EYS: variants seen among roughly 807,000 people sequenced by gnomAD.
The protein encoded by EYS is protein eyes shut homolog.
A neutral mutation model predicts 282.1 loss-of-function variants in EYS; 250 were observed. The ratio of observed to expected loss-of-function variants is 0.89; its 90% CI spans 0.80 to 0.98. The LOEUF is 0.98. Among genes scored for constraint, EYS ranks in the 50% least tolerant of loss-of-function variants. EYS has a pLI of 0.00. For synonymous variants in EYS, 1,355 were observed against 1,282.9 expected (o/e 1.06, Z -1.20); for missense variants, 4,016 against 3,709.0 (o/e 1.08, Z -2.15).
intron 12 of EYS, among the ~76,000 whole-genome samples, chr6:65,212,048 AACATAG>A (rs1322931174): frequency 3.3e-5 from 5 of 152,172 alleles, no homozygotes; most frequent in South Asian, 4.2e-4. Context: ...AGGAAAACAA[AACATAG>A]ACATAGAGAT....
At chr6:63,894,239 A>G (rs1187339159) in intron 35 of EYS, among the ~76,000 whole-genome samples, 1 of 152,206 alleles carries the variant, frequency 6.6e-6, no homozygotes, top group Non-Finnish European at 1.5e-5. Flanking sequence ...TTCTGGGGAA[A>G]CAAGGTTTTT....
intron 2 of EYS, among the ~76,000 whole-genome samples, chr6:65,562,094 A>G (rs1769083462): frequency 2.6e-5 from 4 of 151,834 alleles, no homozygotes; most frequent in Admixed American, 2.6e-4. Flanking sequence ...ATATACACAT[A>G]TAGCATGCAT....
chr6:64,444,548 T>C (rs928892573), intron 26 of EYS, among the ~76,000 whole-genome samples: 2 of 152,198 alleles, frequency 1.3e-5, no homozygotes, highest in African/African-American at 4.8e-5. Flanking sequence ...ATTATCTGTA[T>C]GGAAACCCAT....
chr6:64,746,605 A>T (rs913164820), intron 22 of EYS, among the ~76,000 whole-genome samples: 2 of 152,220 alleles, frequency 1.3e-5, no homozygotes, highest in Non-Finnish European at 2.9e-5. Context: ...ACATGAATAA[A>T]GAATTTAGGA....
At chr6:65,318,223 TA>T (rs1394096181) in intron 11 of EYS, among the ~76,000 whole-genome samples, 17 of 151,694 alleles carry the variant, frequency 1.1e-4, no homozygotes, top group African/African-American at 4.1e-4. Flanking sequence ...GTTCACAATA[TA>T]GCAACTTGTT....
chr6:64,345,470 AATGG>A (rs1771346946), intron 29 of EYS, among the ~76,000 whole-genome samples: 2 of 152,144 alleles, frequency 1.3e-5, no homozygotes, highest in African/African-American at 2.4e-5. Flanking sequence ...CTATTTAATA[AATGG>A]TGCTGGGAAA....
At chr6:65,581,486 T>G (rs549758002) in intron 2 of EYS, among the ~76,000 whole-genome samples, 41 of 152,258 alleles carry the variant, frequency 2.7e-4, no homozygotes, top group Non-Finnish European at 2.1e-4. Flanking sequence ...AAAGTAAAAT[T>G]TTTGCCAGGG....
At chr6:64,401,884 G>A (rs1773548595) in intron 28 of EYS, among the ~76,000 whole-genome samples, 1 of 151,988 alleles carries the variant, frequency 6.6e-6, no homozygotes, top group African/African-American at 2.4e-5. Context: ...GTAGACTATT[G>A]CCAAAAGAAT....
At chr6:65,693,954 G>A (rs1769339360) in intron 1 of EYS, among the ~76,000 whole-genome samples, 1 of 150,176 alleles carries the variant, frequency 6.7e-6, no homozygotes, top group African/African-American at 2.4e-5. Flanking sequence ...AGAATGTCCT[G>A]ATTTTGATGC....
At chr6:64,771,551 G>A (rs1045590903) in intron 22 of EYS, among the ~76,000 whole-genome samples, 4 of 151,204 alleles carry the variant, frequency 2.6e-5, no homozygotes, top group African/African-American at 9.7e-5. Flanking sequence ...ATTTTTCTTT[G>A]TACTACTTTG....
intron 2 of EYS, among the ~76,000 whole-genome samples, chr6:65,544,098 T>A (rs1768293443): frequency 6.6e-6 from 1 of 151,754 alleles, no homozygotes; most frequent in African/African-American, 2.4e-5. Flanking sequence ...ATATGGAAGA[T>A]CTGTTTTGTT....
intron 26 of EYS, among the ~76,000 whole-genome samples, chr6:64,471,051 T>A (rs1776108595): frequency 6.6e-6 from 1 of 151,656 alleles, no homozygotes; most frequent in South Asian, 2.1e-4. Flanking sequence ...CTGTCAAAAG[T>A]CAAAGACAAA....
In EYS at chr6:64,886,738, C is replaced by T. The variant is rs1227522564; in HGVS notation, c.2951G>A (p.Arg984Lys). 1.9e-6 allele frequency: 3 copies of T among 1,547,424 alleles called. No individual in the cohort carries two copies. The highest frequency in any genetic ancestry group is 2.6e-6 in the Non-Finnish European group (3 of 1,144,674). ...PCLDEENCVYRTDGYNCLCAP... is the reference protein window; with the variant it reads ...PCLDEENCVYKTDGYNCLCAP... ...ACAGAGGCAGTTGTATCCATCAGTC[C>T]TGTAGACACAATTTTCTTCATCTAG... The change falls in exon 19 of 43, where the codon AGG (arginine) becomes AAG (lysine). Residue 984 changes from arginine to lysine, a missense_variant. By Grantham distance (26) the Arg-to-Lys change is conservative. Transcript: ENST00000503581.
At chr6:64,141,363 T>G (rs1381824366) in intron 31 of EYS, among the ~76,000 whole-genome samples, 1 of 152,244 alleles carries the variant, frequency 6.6e-6, no homozygotes, top group Admixed American at 6.5e-5. Context: ...GGATGCAGTT[T>G]TACTATGAAA....
chr6:64,391,115 T>C (rs1161355912), intron 28 of EYS, among the ~76,000 whole-genome samples: 1 of 152,098 alleles, frequency 6.6e-6, no homozygotes, highest in Non-Finnish European at 1.5e-5. Context: ...CCAAGAAATA[T>C]GGGACTATGT....
intron 31 of EYS, among the ~76,000 whole-genome samples, chr6:64,106,053 T>G (rs772643934): frequency 1.6e-4 from 24 of 152,152 alleles, no homozygotes; most frequent in Non-Finnish European, 2.9e-4. Flanking sequence ...ATTAAAGTAA[T>G]TATTTATATA....
chr6:63,914,869 A>G (rs948504449), intron 35 of EYS, among the ~76,000 whole-genome samples: 3 of 152,156 alleles, frequency 2.0e-5, no homozygotes, highest in Non-Finnish European at 2.9e-5. Context: ...GAAGCTTGAG[A>G]GAGGTGAGAA....
rs1302532127 is a variant in EYS at position 65,371,725 on chromosome 6, CTCTCTCTCTCTCTCTCTGTGTG to C, written c.1299+12639_1299+12660del. 2.7e-3 allele frequency among the ~76,000 whole-genome samples: 319 copies of C among 116,060 alleles called. 3 individuals are homozygous for C. Among genetic ancestry groups the C allele is most frequent in the African/African-American group, 8.1e-3 (267 of 32,832 alleles). The allele number at this position is 116,060 out of a possible 152,430, so 76.1% of individuals were successfully genotyped here. On this transcript the variant is annotated intron_variant, in intron 8 of 42. Transcript: ENST00000503581. Reference sequence around the variant, plus strand: ...TCTCTCTCCCTCTCTCTCTCTCTCTCTCTCTCTCTCTCTCTCTGTGTGTGTGTGTGTGTGTGTGTGTGTGTGT... The same window carrying C: ...TCTCTCTCCCTCTCTCTCTCTCTCTCTGTGTGTGTGTGTGTGTGTGTGTGT...
intron 2 of EYS, among the ~76,000 whole-genome samples, chr6:65,618,246 T>C (rs1448497848): frequency 1.3e-5 from 2 of 152,286 alleles, no homozygotes; most frequent in Non-Finnish European, 2.9e-5. Context: ...ATCGCCATTC[T>C]AACTGGTGTG....
Sources: gnomAD v4.1 joint callset for allele counts (sites outside exome capture counted in the v4.1 genomes callset) on GRCh38, gnomAD v4.1.1 for gene constraint, MANE v1.5 for transcripts, NCBI Gene and HGNC (gene_info 2026-07-23, HGNC 2026-07-21) for gene names.